The following LAMA3 variants were observed in gnomAD, a reference collection of about 807,000 sequenced individuals.
LAMA3 encodes the protein laminin subunit alpha 3.
In LAMA3, 281 loss-of-function variants were observed where a neutral mutation model predicts 402.0. The ratio of observed to expected loss-of-function variants is 0.70; its 90% CI spans 0.63 to 0.77. The LOEUF (loss-of-function observed/expected upper bound fraction) is 0.77, where lower values mean the gene tolerates loss of function less well. LAMA3 is among the 30% of genes least tolerant of loss of function. The pLI is 0.00. For synonymous variants in LAMA3, 1,431 were observed against 1,558.4 expected (o/e 0.92, Z 1.93); for missense variants, 3,840 against 4,215.5 (o/e 0.91, Z 2.47).
chr18:23,898,458 A>G (rs2080953681), intron 44 of LAMA3: 3 of 445,316 alleles, frequency 6.7e-6, no homozygotes, highest in Non-Finnish European at 1.2e-5. Flanking sequence ...TCAGGTAAGT[A>G]GTATCACCCT....
At position 23,888,544 on chromosome 18, in the gene LAMA3, G is replaced by T. The variant is rs189707755; in HGVS notation, c.5304-1467G>T. ...GAGCTTATATTTTCATGGGGGCTGT[G>T]GGGGGGACCGGTAAAGAAACTGAAG... On this transcript the variant is annotated intron_variant, in intron 41 of 74. Transcript: ENST00000313654. Among the ~76,000 whole-genome samples the T allele has an allele frequency of 1.8e-4, 28 of 152,170 alleles. No individual in the cohort carries two copies. The East Asian group carries it at 4.6e-3, about 25-fold the overall frequency.
In LAMA3 at chr18:23,936,041, T is replaced by C. The variant is rs373946963; in HGVS notation, c.8862+2106T>C. Among the ~76,000 whole-genome samples, 7 of 152,040 alleles carry C rather than the reference T, an allele frequency of 4.6e-5. No homozygotes were observed. The East Asian group carries it at 5.8e-4, about 13-fold the overall frequency. On this transcript the variant is annotated intron_variant, in intron 67 of 74. Transcript: ENST00000313654. ...CTCACCAGACTGACTTCATGCTCTCTCTCTCCCTTCTCAACACACCCCTCT... is the reference window on the plus strand; with the variant it reads ...CTCACCAGACTGACTTCATGCTCTCCCTCTCCCTTCTCAACACACCCCTCT...
intron 2 of LAMA3, among the ~76,000 whole-genome samples, chr18:23,738,759 A>G (rs371283343): frequency 1.3e-5 from 2 of 152,232 alleles, no homozygotes; most frequent in African/African-American, 4.8e-5. Flanking sequence ...TGGTGCTGCC[A>G]TCACAGCCAC....
Position 23,876,404 on chromosome 18 carries a change from T to G in LAMA3, c.5109T>G (p.Cys1703Trp), listed in dbSNP as rs755355416. The change falls in exon 39 of 75, where the codon TGT becomes TGG. Residue 1703 changes from cysteine (C) to tryptophan (W), a missense_variant. Coordinates refer to ENST00000313654, the MANE Select transcript of LAMA3 (RefSeq NM_198129.4). ...SNQCQDGSGICVNCQHNTAGE... is the reference protein window; with the variant it reads ...SNQCQDGSGIWVNCQHNTAGE... The stretch of plus-strand genomic sequence containing the variant: ...AATGCCAGGATGGCTCAGGCATATG[T>G]GTTGTGAGTAAATTGACACTTTAAT... The G allele has an allele frequency of 1.3e-6, 2 of 1,597,130 alleles. No individual in the cohort carries two copies. The highest frequency in any genetic ancestry group is 2.2e-5 in the South Asian group (2 of 90,710).
In LAMA3 at chr18:23,847,799, T is replaced by C. The variant is rs2063853464; in HGVS notation, c.4136+131T>C. 6.8e-6 allele frequency: 6 copies of C among 883,762 alleles called. No homozygotes were observed. The South Asian group carries it at 9.1e-5, about 13-fold the overall frequency. 54.7% of individuals were successfully genotyped at this position (883,762 alleles called of 1,614,324 possible). On this transcript the variant is annotated intron_variant, in intron 32 of 74. Coordinates refer to ENST00000313654, the MANE Select transcript of LAMA3 (RefSeq NM_198129.4). ...CCCTGTGTTGACCTCGGCATGAGCTTCCCAGACAGGATGGGTTGCAGTGGG... is the reference window on the plus strand; with the variant it reads ...CCCTGTGTTGACCTCGGCATGAGCTCCCCAGACAGGATGGGTTGCAGTGGG...
Position 23,914,859 on chromosome 18 carries a change from A to T in LAMA3, c.7643A>T (p.Lys2548Ile). ...GTTGGAGGTTACCCACCTGATTTTA[A>T]AGTAAGTGTAAATGTTATTTCACTG... ...FYVGGYPPDF[K>I]LPSRLSFPPY... The change falls in exon 58 of 75, where the codon AAA becomes ATA. Residue 2548 changes from lysine to isoleucine, a missense_variant and splice_region_variant. By Grantham distance (102) the Lys-to-Ile change is moderately radical (BLOSUM62 -3). Around this residue, in one of 3 missense-constraint regions of LAMA3, gnomAD observed 840 missense variants for 981.9 expected, o/e 0.86. Transcript: ENST00000313654. 1.2e-6 allele frequency: 2 copies of T among 1,606,412 alleles called. No individual in the cohort carries two copies. Among genetic ancestry groups the T allele is most frequent in the Non-Finnish European group, 1.7e-6 (2 of 1,173,170 alleles).
intron 23 of LAMA3, among the ~76,000 whole-genome samples, chr18:23,828,675 A>C (rs1481303790): frequency 6.6e-6 from 1 of 152,200 alleles, no homozygotes; most frequent in Non-Finnish European, 1.5e-5. Flanking sequence ...TGACTCATCT[A>C]GGAGGTTCTA....
chr18:23,890,465 G>T (rs1262834097), intron 42 of LAMA3, among the ~76,000 whole-genome samples: 1 of 152,028 alleles, frequency 6.6e-6, no homozygotes, highest in Non-Finnish European at 1.5e-5. Flanking sequence ...TAGGGTTATT[G>T]TCTCATCAGC....
At chr18:23,929,675 T>C (rs1476458201) in intron 64 of LAMA3, among the ~76,000 whole-genome samples, 5 of 152,168 alleles carry the variant, frequency 3.3e-5, no homozygotes, top group Non-Finnish European at 7.4e-5. Flanking sequence ...AGGCCACCCC[T>C]CTCTTGGTGG....
At chr18:23,764,257 A>G (rs994885482) in intron 8 of LAMA3, among the ~76,000 whole-genome samples, 5 of 152,202 alleles carry the variant, frequency 3.3e-5, no homozygotes, top group African/African-American at 7.2e-5. Context: ...ATACTTTTAT[A>G]TTATCTGTTA....
At chr18:23,706,508 T>C (rs948460620) in intron 1 of LAMA3, among the ~76,000 whole-genome samples, 15 of 152,208 alleles carry the variant, frequency 9.9e-5, no homozygotes, top group African/African-American at 2.9e-4. Flanking sequence ...TAAAATAATA[T>C]TGCATTGTGG....
intron 23 of LAMA3, among the ~76,000 whole-genome samples, chr18:23,832,796 A>C (rs952561971): frequency 3.9e-5 from 6 of 152,234 alleles, no homozygotes; most frequent in African/African-American, 1.4e-4. Context: ...GTATATTTGC[A>C]TGTAAGTGTA....
rs370241931 is a variant in LAMA3 at position 23,950,030 on chromosome 18, T to C, written c.9513T>C (p.Ala3171=). The C allele has an allele frequency of 1.9e-6, 3 of 1,614,228 alleles. No individual in the cohort carries two copies. Among genetic ancestry groups the C allele is most frequent in the Non-Finnish European group, 1.7e-6 (2 of 1,180,038 alleles). The stretch of plus-strand genomic sequence containing the variant: ...TTTGCTTTGTTTCTCTTTTGAAAGC[T>C]CACTCTGTATTGTTGGGGCCAGAAT... The part of the protein sequence containing the change: ...FSEEGGHVVL[A]HSVLLGPEFK... Residue 3171 remains alanine (A), a splice_region_variant and synonymous_variant, in exon 72 of 75, where the codon GCT becomes GCC. Coordinates refer to ENST00000313654, the MANE Select transcript of LAMA3 (RefSeq NM_198129.4).
intron 2 of LAMA3, among the ~76,000 whole-genome samples, chr18:23,717,032 C>T (rs1207950489): frequency 6.6e-6 from 1 of 152,122 alleles, no homozygotes; most frequent in Non-Finnish European, 1.5e-5. Flanking sequence ...CACATTTGTG[C>T]CTCTAGAAAA....
chr18:23,808,845 C>T (rs925417981), intron 12 of LAMA3, among the ~76,000 whole-genome samples: 3 of 152,162 alleles, frequency 2.0e-5, no homozygotes, highest in Non-Finnish European at 4.4e-5. Flanking sequence ...GGGCCCCATG[C>T]GCCAAGGCTT....
chr18:23,812,380 G>C (rs1052542724), intron 13 of LAMA3, among the ~76,000 whole-genome samples: 1 of 152,092 alleles, frequency 6.6e-6, no homozygotes. Context: ...ATCATCAAGG[G>C]GAAGCTGAGG....
At chr18:23,719,669 C>CTT (rs61144348) in intron 2 of LAMA3, among the ~76,000 whole-genome samples, 248 of 135,702 alleles carry the variant, frequency 1.8e-3, no homozygotes, top group African/African-American at 6.2e-3. Context: ...ATTCTAGAAT[C>CTT]TTTTTTTTTT....
intron 2 of LAMA3, among the ~76,000 whole-genome samples, chr18:23,741,646 G>C (rs1423213059): frequency 2.0e-5 from 3 of 152,086 alleles, no homozygotes; most frequent in Non-Finnish European, 4.4e-5. Context: ...TTATAATTTA[G>C]TTAATAAAAA....
chr18:23,914,970 A>T (rs2081563992), intron 58 of LAMA3, 110 bp downstream of exon 58: 1 of 914,354 alleles, frequency 1.1e-6, no homozygotes, highest in East Asian at 2.6e-5. Context: ...TTAACCGCAC[A>T]TTCTTACAGC....
Sources: allele counts gnomAD v4.1 joint callset (sites outside exome capture counted in the v4.1 genomes callset), GRCh38; gene constraint gnomAD v4.1.1; regional missense constraint gnomAD v4.1.1; transcripts MANE v1.5; gene names NCBI Gene and HGNC (gene_info 2026-07-23, HGNC 2026-07-21).